APP: variants seen among roughly 807,000 people sequenced by gnomAD.
The protein encoded by APP is amyloid beta precursor protein.
APP carries 31 observed loss-of-function variants against 101.4 expected under a neutral mutation model. That is an observed-to-expected ratio of 0.31 (90% CI 0.23 to 0.41). The LOEUF is 0.41. Among genes scored for constraint, APP ranks in the 10% least tolerant of loss-of-function variants. The probability of loss-of-function intolerance (pLI) is 1.00; values close to 1 mark genes in which losing one functional copy is unlikely to be tolerated. For synonymous variants in APP, 366 were observed against 364.4 expected, an observed-to-expected ratio of 1.00 and a Z score of -0.05; for missense variants, 839 against 1,003.7, an observed-to-expected ratio of 0.84 and a Z score of 2.22.
At chr21:26,167,728 T>C (rs1693901364) in intron 1 of APP, among the ~76,000 whole-genome samples, 2 of 152,232 alleles carry the variant, frequency 1.3e-5, no homozygotes, top group South Asian at 4.1e-4. Flanking sequence ...CCTCGTGAAC[T>C]TGCATGTTCC....
intron 13 of APP, chr21:25,946,105 G>C (rs182496725): frequency 3.4e-6 from 1 of 294,870 alleles, no homozygotes; most frequent in South Asian, 2.6e-5. Context: ...AACTGTAAGA[G>C]CTAAAACTAC....
intron 2 of APP, among the ~76,000 whole-genome samples, chr21:26,104,367 T>C (rs1263545404): frequency 6.6e-6 from 1 of 151,868 alleles, no homozygotes; most frequent in African/African-American, 2.4e-5. Flanking sequence ...TTTAAATGCA[T>C]TGAAAGGCAG....
Position 26,105,647 on chromosome 21 carries a change from G to A in APP, c.225+6332C>T, listed in dbSNP as rs947274125. ...CACCAGAATAGCTACAATGTGGAAA[G>A]TGGCAGGAAGATCCTGAAATATCTA... On this transcript the variant is annotated intron_variant, in intron 2 of 17. Coordinates refer to ENST00000346798, the MANE Select transcript of APP (RefSeq NM_000484.4). Among the ~76,000 whole-genome samples, 5 of 152,280 alleles carry A rather than the reference G, an allele frequency of 3.3e-5. No homozygotes were observed. In the East Asian group the frequency reaches 9.6e-4, roughly 29 times the overall value.
At chr21:25,964,590 T>C (rs2041712799) in intron 11 of APP, among the ~76,000 whole-genome samples, 2 of 150,490 alleles carry the variant, frequency 1.3e-5, no homozygotes. Flanking sequence ...CATCACTTAG[T>C]GACCTTTTTT....
chr21:26,129,161 G>T (rs2062741988), intron 1 of APP, among the ~76,000 whole-genome samples: 2 of 152,102 alleles, frequency 1.3e-5, no homozygotes, highest in East Asian at 3.9e-4. Context: ...ATTTTATAAG[G>T]TCCCAATGCA....
chr21:26,056,955 G>C (rs552529893), intron 3 of APP, among the ~76,000 whole-genome samples: 3 of 152,286 alleles, frequency 2.0e-5, no homozygotes, highest in Non-Finnish European at 4.4e-5. Context: ...TAAGCGTTAA[G>C]AGTGCTAAAA....
intron 1 of APP, among the ~76,000 whole-genome samples, chr21:26,143,247 G>A (rs747288737): frequency 6.9e-4 from 105 of 152,314 alleles, no homozygotes; most frequent in Non-Finnish European, 1.2e-3. Flanking sequence ...GCCAAGGCAG[G>A]AGGATCACTT....
intron 6 of APP, among the ~76,000 whole-genome samples, chr21:26,007,315 G>A (rs1419557564): frequency 1.4e-5 from 2 of 148,028 alleles, no homozygotes; most frequent in East Asian, 2.0e-4. Context: ...AATCCACTAA[G>A]TATACAAAAC....
chr21:26,082,632 C>T (rs1415716241), intron 3 of APP, among the ~76,000 whole-genome samples: 1 of 152,046 alleles, frequency 6.6e-6, no homozygotes, highest in African/African-American at 2.4e-5. Context: ...TTTGTTGACC[C>T]TCTGTCTGAA....
intron 8 of APP, among the ~76,000 whole-genome samples, chr21:25,988,472 C>T (rs963763407): frequency 1.4e-4 from 21 of 152,160 alleles, no homozygotes; most frequent in African/African-American, 4.6e-4. Context: ...GAGTCTGAGG[C>T]GGGCAGATCA....
chr21:26,137,277 C>T (rs543190524), intron 1 of APP, among the ~76,000 whole-genome samples: 2 of 152,232 alleles, frequency 1.3e-5, no homozygotes, highest in African/African-American at 4.8e-5. Flanking sequence ...CTCAGAGGTG[C>T]GCCAGTATTT....
At chr21:25,897,771 G>A in intron 15 of APP, 98 bp from the exon 16 acceptor site, 7 of 987,616 alleles carry the variant, frequency 7.1e-6, no homozygotes, top group South Asian at 1.3e-5. Flanking sequence ...CTTCTTTCTA[G>A]GCCTGAAGTT....
chr21:26,022,026 C>T lies in APP; in HGVS notation c.679G>A (p.Glu227Lys). Residue 227 changes from glutamate (E) to lysine (K), a missense_variant, in exon 6 of 18, where the codon GAA becomes AAA. By Grantham distance (56) the Glu-to-Lys change is moderately conservative (BLOSUM62 1). Coordinates refer to ENST00000346798, the MANE Select transcript of APP (RefSeq NM_000484.4). ...GCCACTTCTTCCTCCTCTGCTACTT[C>T]TACTACTTTGTCTTCACTGTGAAGG... Reference protein sequence around the residue: ...YADGSEDKVVEVAEEEEVAEV... With the variant: ...YADGSEDKVVKVAEEEEVAEV... 1.9e-6 allele frequency: 3 copies of T among 1,614,122 alleles called. No homozygotes were observed. The highest frequency in any genetic ancestry group is 2.5e-6 in the Non-Finnish European group (3 of 1,179,980).
At chr21:26,144,269 G>A (rs1186347610) in intron 1 of APP, among the ~76,000 whole-genome samples, 3 of 152,154 alleles carry the variant, frequency 2.0e-5, no homozygotes, top group Non-Finnish European at 4.4e-5. Context: ...TGAGATCCAG[G>A]TGGGGATGGA....
chr21:26,031,785 T>C (rs922921516), intron 5 of APP, among the ~76,000 whole-genome samples: 16 of 152,112 alleles, frequency 1.1e-4, no homozygotes, highest in Non-Finnish European at 2.2e-4. Context: ...CCAGTCCATA[T>C]CAGGAAGCAA....
intron 12 of APP, 141 bp from the exon 13 acceptor site, chr21:25,954,830 A>C: frequency 1.5e-6 from 1 of 668,138 alleles, no homozygotes; most frequent in Non-Finnish European, 2.5e-6. Context: ...CTGCAGGTAG[A>C]TACAAACTTC....
Position 25,897,610 on chromosome 21 carries a change from C to G in APP, c.2027G>C (p.Arg676Pro). ...ISEVKMDAEF[R>P]HDSGYEVHHQ... is the part of the protein sequence containing the mutation. ...ATGAACTTCATATCCTGAGTCATGT[C>G]GGAATTCTGCATCCATCTTCACTTC... Residue 676 changes from arginine (R) to proline (P), a missense_variant, in exon 16 of 18, where the codon CGA becomes CCA. By Grantham distance (103) the Arg-to-Pro change is moderately radical (BLOSUM62 -2). Transcript: ENST00000346798. 6.2e-7 allele frequency: 1 copy of G among 1,613,974 alleles called. No individual in the cohort carries two copies. The highest frequency in any genetic ancestry group is 8.5e-7 in the Non-Finnish European group (1 of 1,179,898).
At chr21:26,019,554 T>G (rs1568864853) in intron 6 of APP, among the ~76,000 whole-genome samples, 1 of 152,234 alleles carries the variant, frequency 6.6e-6, no homozygotes, top group Non-Finnish European at 1.5e-5. Context: ...CCTAAGAGAT[T>G]TTAACATCCA....
chr21:25,927,903 C>G (rs760371610), intron 13 of APP, among the ~76,000 whole-genome samples: 15 of 152,176 alleles, frequency 9.9e-5, no homozygotes, highest in Non-Finnish European at 2.1e-4. Context: ...AAAGACCAGC[C>G]AGGCTCCCTG....
Sources: gnomAD v4.1 joint callset for allele counts (sites outside exome capture counted in the v4.1 genomes callset) on GRCh38, gnomAD v4.1.1 for gene constraint, MANE v1.5 for transcripts, NCBI Gene and HGNC (gene_info 2026-07-23, HGNC 2026-07-21) for gene names.